The following TPRG1 variants were observed in gnomAD, a reference collection of about 807,000 sequenced individuals.
The protein encoded by TPRG1 is tumor protein p63 regulated 1, also known as tumor protein p63-regulated gene 1 protein.
A neutral mutation model predicts 29.3 loss-of-function variants in TPRG1; 29 were observed. That is an observed-to-expected ratio of 0.99 (90% CI 0.74 to 1.35). The LOEUF (loss-of-function observed/expected upper bound fraction) is 1.35, where lower values mean the gene tolerates loss of function less well. Ranked by LOEUF, TPRG1 falls within the 40% of genes most tolerant of loss-of-function variation. The probability of loss-of-function intolerance (pLI) is 0.00; values close to 1 mark genes in which losing one functional copy is unlikely to be tolerated. For missense variants in TPRG1, 327 were observed against 335.0 expected, an observed-to-expected ratio of 0.98 and a Z score of 0.19; for synonymous variants, 130 against 116.8, an observed-to-expected ratio of 1.11 and a Z score of -0.73.
At chr3:189,199,375 G>T (rs774866367) in intron 1 of TPRG1, among the ~76,000 whole-genome samples, 7 of 152,166 alleles carry the variant, frequency 4.6e-5, no homozygotes, top group Non-Finnish European at 7.3e-5. Flanking sequence ...TTGTAGACTC[G>T]TTGAGCTGGA....
At chr3:189,216,811 C>T (rs1025372159) in intron 3 of TPRG1, among the ~76,000 whole-genome samples, 5 of 152,182 alleles carry the variant, frequency 3.3e-5, no homozygotes, top group Admixed American at 6.5e-5. Context: ...TCATTTCCCA[C>T]CCCCACTTCC....
intron 4 of TPRG1, among the ~76,000 whole-genome samples, chr3:189,301,889 T>C (rs1319479826): frequency 1.3e-5 from 2 of 152,252 alleles, no homozygotes; most frequent in African/African-American, 4.8e-5. Context: ...TAGACTGCTC[T>C]GGACCATGCA....
intron 1 of TPRG1, among the ~76,000 whole-genome samples, chr3:189,189,367 A>G (rs145192828): frequency 0.011 from 1,687 of 152,246 alleles, 39 homozygotes; most frequent in African/African-American, 0.039. Context: ...TACCTAAACT[A>G]CATTTAGATA....
intron 3 of TPRG1, among the ~76,000 whole-genome samples, chr3:189,216,366 C>T (rs1409032467): frequency 5.9e-5 from 9 of 152,122 alleles, no homozygotes; most frequent in Non-Finnish European, 1.2e-4. Flanking sequence ...GTTTTACCAT[C>T]CAGGCCAGCA....
intron 4 of TPRG1, among the ~76,000 whole-genome samples, chr3:189,094,254 C>T (rs567892566): frequency 3.3e-5 from 5 of 152,102 alleles, no homozygotes; most frequent in Non-Finnish European, 7.4e-5. Flanking sequence ...CCTCACTCAG[C>T]CTGAGTAAGT....
At chr3:189,192,391 T>G (rs1359199837) in intron 1 of TPRG1, among the ~76,000 whole-genome samples, 1 of 152,208 alleles carries the variant, frequency 6.6e-6, no homozygotes, top group African/African-American at 2.4e-5. Context: ...TACTTGGTGC[T>G]AAGGATACCA....
intron 4 of TPRG1, among the ~76,000 whole-genome samples, chr3:189,074,431 TC>T (rs1560428198): frequency 6.6e-6 from 1 of 151,930 alleles, no homozygotes; most frequent in Non-Finnish European, 1.5e-5. Flanking sequence ...GGTCTCGATC[TC>T]CTGACCTCGT....
At chr3:189,194,059 T>G (rs1732146006) in intron 1 of TPRG1, among the ~76,000 whole-genome samples, 1 of 151,800 alleles carries the variant, frequency 6.6e-6, no homozygotes, top group South Asian at 2.1e-4. Context: ...ATAGCTTTCA[T>G]AAAGAAAGAT....
At chr3:189,032,444 A>G (rs1461657317) in intron 4 of TPRG1, among the ~76,000 whole-genome samples, 1 of 152,218 alleles carries the variant, frequency 6.6e-6, no homozygotes, top group Non-Finnish European at 1.5e-5. Flanking sequence ...AATTTGTTAC[A>G]GGAGCAATAG....
intron 3 of TPRG1, among the ~76,000 whole-genome samples, chr3:189,235,070 G>A (rs1308564836): frequency 1.3e-5 from 2 of 152,138 alleles, no homozygotes; most frequent in African/African-American, 4.8e-5. Flanking sequence ...GGAGTGGAGG[G>A]ACTTGGCCTG....
chr3:189,217,800 A>G, intron 3 of TPRG1: 1 of 981,378 alleles, frequency 1.0e-6, no homozygotes, highest in Non-Finnish European at 1.2e-6. Context: ...ATAATTGTCA[A>G]AAAGAGGAGC....
intron 4 of TPRG1, among the ~76,000 whole-genome samples, chr3:189,074,386 T>C (rs373358103): frequency 1.4e-4 from 21 of 151,796 alleles, no homozygotes; most frequent in East Asian, 9.7e-4. Context: ...TTTGTATTTT[T>C]AGTAGAGATG....
intron 4 of TPRG1, among the ~76,000 whole-genome samples, chr3:189,290,985 C>G (rs527297252): frequency 1.3e-5 from 2 of 152,274 alleles, no homozygotes; most frequent in South Asian, 4.2e-4. Flanking sequence ...TCACTGCAAG[C>G]TCCGCCTCCG....
chr3:189,174,354 T>C (rs1180233477), intron 1 of TPRG1, among the ~76,000 whole-genome samples: 2 of 152,204 alleles, frequency 1.3e-5, no homozygotes, highest in African/African-American at 2.4e-5. Flanking sequence ...CTGATAATAA[T>C]GGACCCACAT....
chr3:189,257,849 C>T (rs979031912), intron 4 of TPRG1, among the ~76,000 whole-genome samples: 1 of 152,184 alleles, frequency 6.6e-6, no homozygotes, highest in African/African-American at 2.4e-5. Context: ...TTCTCAGCTC[C>T]ATCAGGTCAT....
intron 4 of TPRG1, among the ~76,000 whole-genome samples, chr3:189,240,005 G>A (rs531382302): frequency 1.2e-4 from 18 of 152,182 alleles, no homozygotes; most frequent in Middle Eastern, 3.4e-3. Flanking sequence ...AATTCCTTGC[G>A]GGCAAATGTT....
chr3:189,061,176 A>G (rs1470017507), intron 4 of TPRG1, among the ~76,000 whole-genome samples: 2 of 152,214 alleles, frequency 1.3e-5, no homozygotes, highest in Admixed American at 6.5e-5. Flanking sequence ...GACATTGCTG[A>G]CAAAAACAAG....
intron 3 of TPRG1, among the ~76,000 whole-genome samples, chr3:189,216,823 A>C (rs1458137034): frequency 6.6e-6 from 1 of 152,106 alleles, no homozygotes; most frequent in African/African-American, 2.4e-5. Context: ...CCCACTTCCC[A>C]TCCATTGTGA....
intron 4 of TPRG1, among the ~76,000 whole-genome samples, chr3:189,086,613 C>T (rs1449596711): frequency 2.6e-5 from 4 of 151,212 alleles, no homozygotes; most frequent in South Asian, 2.1e-4. Flanking sequence ...CCACAACCTC[C>T]GCCTCCCGGA....
Sources: allele counts gnomAD v4.1 joint callset (sites outside exome capture counted in the v4.1 genomes callset), GRCh38; gene constraint gnomAD v4.1.1; transcripts MANE v1.5; gene names NCBI Gene and HGNC (gene_info 2026-07-23, HGNC 2026-07-21).